The following VRK2 variants were observed in gnomAD, a reference collection of about 807,000 sequenced individuals.
The protein encoded by VRK2 is serine/threonine-protein kinase VRK2.
In VRK2, 60 loss-of-function variants were observed where a neutral mutation model predicts 57.6. The ratio of observed to expected loss-of-function variants is 1.04; its 90% confidence interval spans 0.85 to 1.29. The LOEUF (loss-of-function observed/expected upper bound fraction) is 1.29, where lower values mean the gene tolerates loss of function less well. Ranked by LOEUF, VRK2 falls within the 50% of genes most tolerant of loss-of-function variation. The pLI is 0.00. For synonymous variants in VRK2, 231 were observed against 199.2 expected, an observed-to-expected ratio of 1.16 and a Z score of -1.35; for missense variants, 705 against 588.1, an observed-to-expected ratio of 1.20 and a Z score of -2.06.
chr2:58,150,127 G>A (rs1393169914), intron 12 of VRK2, among the ~76,000 whole-genome samples: 1 of 150,868 alleles, frequency 6.6e-6, no homozygotes, highest in African/African-American at 2.4e-5. Context: ...TGTTTTCAGG[G>A]TCATTATGAA....
chr2:58,061,877 G>T (rs1218448478), intron 2 of VRK2, among the ~76,000 whole-genome samples: 1 of 151,938 alleles, frequency 6.6e-6, no homozygotes, highest in East Asian at 1.9e-4. Context: ...AGGTGTAGAG[G>T]TGAAAGGGGT....
chr2:57,919,232 T>C (rs530375904), intron 1 of VRK2, among the ~76,000 whole-genome samples: 1 of 152,190 alleles, frequency 6.6e-6, no homozygotes, highest in South Asian at 2.1e-4. Flanking sequence ...AAATAAAAGA[T>C]AAAGGTAAAA....
chr2:58,103,233 G>A (rs1408665713), intron 7 of VRK2, among the ~76,000 whole-genome samples: 1 of 151,296 alleles, frequency 6.6e-6, no homozygotes, highest in Non-Finnish European at 1.5e-5. Flanking sequence ...AAAGATCAGA[G>A]CAGGACTAAG....
rs148764896 is a variant in VRK2, at chr2:58,140,003, G to C, written c.1023+171G>C. ...AGTTTGTTCCAAGTTCTTTTGACCTGTTGTCTCACAGAGAAAAATAGGATC... is the reference window on the plus strand; with the variant it reads ...AGTTTGTTCCAAGTTCTTTTGACCTCTTGTCTCACAGAGAAAAATAGGATC... On this transcript the variant is annotated intron_variant, in intron 11 of 12. Transcript: ENST00000340157. Among the ~76,000 whole-genome samples the C allele has an allele frequency of 7.7e-3, 1,171 of 152,088 alleles. 13 individuals are homozygous for C. The highest frequency in any genetic ancestry group is 0.034 in the South Asian group (165 of 4,816).
rs144695725 is a variant in VRK2, at chr2:57,907,706, G to A, written c.-572G>A. 7.9e-5 allele frequency: 12 copies of A among 152,330 alleles called. No individual in the cohort carries two copies. In the East Asian group the frequency reaches 2.1e-3, roughly 27 times the overall value. 9.4% of individuals were successfully genotyped at this position (152,330 alleles called of 1,614,324 possible). A position where few individuals can be genotyped will look rare whatever the true frequency, so the allele number is the denominator to read the frequency against. On this transcript the variant is annotated 5_prime_UTR_variant, in exon 1 of 16. Coordinates refer to the VRK2 transcript ENST00000417641. ...CATCCAGAATCCTACTTCTCTGATT[G>A]TCCTCATGGGGAAAGTATGCTATTT...
At chr2:58,014,408 G>T (rs1254248453) in intron 1 of VRK2, among the ~76,000 whole-genome samples, 1 of 152,086 alleles carries the variant, frequency 6.6e-6, no homozygotes, top group African/African-American at 2.4e-5. Context: ...CAAGATATGG[G>T]GAAAAGATAT....
chr2:58,013,152 T>G (rs1446839600), intron 1 of VRK2, among the ~76,000 whole-genome samples: 1 of 152,234 alleles, frequency 6.6e-6, no homozygotes, highest in Non-Finnish European at 1.5e-5. Context: ...TTGAAGTTTC[T>G]TCTTTAAATG....
At chr2:58,034,219 T>C (rs1162516675) in intron 3 of VRK2, among the ~76,000 whole-genome samples, 1 of 152,062 alleles carries the variant, frequency 6.6e-6, no homozygotes, top group African/African-American at 2.4e-5. Flanking sequence ...AATTTCAGTA[T>C]GGTCTGTTCT....
At chr2:58,145,993 G>T (rs556729970) in intron 11 of VRK2, among the ~76,000 whole-genome samples, 44 of 152,128 alleles carry the variant, frequency 2.9e-4, no homozygotes, top group African/African-American at 1.0e-3. Context: ...TGGTGTATAT[G>T]TGCCACATTT....
chr2:58,071,330 C>T (rs980296466), intron 2 of VRK2, among the ~76,000 whole-genome samples: 1 of 152,010 alleles, frequency 6.6e-6, no homozygotes, highest in Non-Finnish European at 1.5e-5. Context: ...CAGTTCTTTT[C>T]TTGCATGGAT....
At chr2:58,152,570 T>G (rs891597318) in intron 12 of VRK2, among the ~76,000 whole-genome samples, 1 of 151,886 alleles carries the variant, frequency 6.6e-6, no homozygotes, top group Non-Finnish European at 1.5e-5. Flanking sequence ...CTTCAATAGA[T>G]CTTAGTTTGG....
chr2:57,911,549 C>T (rs1669986319), intron 1 of VRK2, among the ~76,000 whole-genome samples: 1 of 152,188 alleles, frequency 6.6e-6, no homozygotes, highest in Non-Finnish European at 1.5e-5. Context: ...AGTGGACTTC[C>T]ACCTTTGTTT....
intron 1 of VRK2, among the ~76,000 whole-genome samples, chr2:57,936,620 G>A (rs1670918131): frequency 6.7e-6 from 1 of 149,644 alleles, no homozygotes; most frequent in Non-Finnish European, 1.5e-5. Flanking sequence ...TGCAACCTCC[G>A]CCTGTTTTAT....
rs368583620 is a variant in VRK2 at position 57,918,913 on chromosome 2, G to T, written c.-439+11074G>T. On this transcript the variant is annotated intron_variant, in intron 1 of 15. Transcript: ENST00000417641. ...TTAAGAACATTTCTATGTATCTGAA[G>T]ATTTTTAAACTCAATGCTTGTCTGG... 6.2e-4 allele frequency among the ~76,000 whole-genome samples: 94 copies of T among 152,206 alleles called. 1 individual carries two copies. In the South Asian group the frequency reaches 0.019, roughly 31 times the overall value.
chr2:58,055,326 A>G (rs1166520900), intron 2 of VRK2, among the ~76,000 whole-genome samples: 1 of 152,188 alleles, frequency 6.6e-6, no homozygotes, highest in East Asian at 1.9e-4. Context: ...CCAAATTCCC[A>G]TCCAGGGATA....
At chr2:57,963,265 T>C (rs1359824986) in intron 1 of VRK2, among the ~76,000 whole-genome samples, 1 of 152,220 alleles carries the variant, frequency 6.6e-6, no homozygotes, top group South Asian at 2.1e-4. Context: ...TCAGCTCATG[T>C]GTCTGTAGTC....
At chr2:58,154,573 CTATG>C (rs1683506387) in intron 12 of VRK2, among the ~76,000 whole-genome samples, 1 of 151,988 alleles carries the variant, frequency 6.6e-6, no homozygotes, top group Non-Finnish European at 1.5e-5. Context: ...ATGACATTAG[CTATG>C]TCCCATGTTT....
At chr2:58,038,647 C>A (rs1185976930) in intron 3 of VRK2, among the ~76,000 whole-genome samples, 2 of 152,096 alleles carry the variant, frequency 1.3e-5, no homozygotes, top group African/African-American at 4.8e-5. Context: ...TAGGAGCCCT[C>A]ATTTCTTTTG....
At chr2:57,939,151 C>T (rs1671012815) in intron 1 of VRK2, among the ~76,000 whole-genome samples, 3 of 152,198 alleles carry the variant, frequency 2.0e-5, no homozygotes, top group Admixed American at 6.5e-5. Context: ...AGCCAGTTCT[C>T]TTAGTTTCAT....
Sources: allele counts gnomAD v4.1 joint callset (sites outside exome capture counted in the v4.1 genomes callset), GRCh38; gene constraint gnomAD v4.1.1; transcripts MANE v1.5; gene names NCBI Gene and HGNC (gene_info 2026-07-23, HGNC 2026-07-21).